Variants in COL4A2 observed in about 807,000 individuals in gnomAD.
COL4A2 encodes collagen type IV alpha 2 chain.
Under a neutral mutation model 200.2 loss-of-function variants are expected in COL4A2, and 99 were observed. The ratio of observed to expected loss-of-function variants is 0.49; its 90% CI spans 0.42 to 0.58. The LOEUF (loss-of-function observed/expected upper bound fraction) is 0.58, where lower values mean the gene tolerates loss of function less well. Ranked by LOEUF, COL4A2 falls within the 20% of genes least tolerant of loss-of-function variation. The pLI is 0.00. For synonymous variants in COL4A2, 897 were observed against 900.6 expected (o/e 1.00, Z 0.07); for missense variants, 1,950 against 2,314.1 (o/e 0.84, Z 3.23).
At position 110,492,125 on chromosome 13, in the gene COL4A2, A is replaced by G. The variant is rs2139537253; in HGVS notation, c.3510A>G (p.Gly1170=). The part of the protein sequence containing the change: ...PGSQGELGRI[G]LPGGKGDDGW... Reference sequence around the variant, plus strand: ...CGCAGGGAGAGCTGGGGCGGATTGGACTGCCTGGTGGCAAAGGAGATGATG... The same window carrying G: ...CGCAGGGAGAGCTGGGGCGGATTGGGCTGCCTGGTGGCAAAGGAGATGATG... The change falls in exon 38 of 48, where the codon GGA becomes GGG. Residue 1170 remains glycine (G), a synonymous_variant. Coordinates refer to ENST00000360467, the MANE Select transcript of COL4A2 (RefSeq NM_001846.4). 1 of 1,553,588 alleles carries G rather than the reference A, an allele frequency of 6.4e-7. No individual in the cohort carries two copies. The highest frequency in any genetic ancestry group is 8.7e-7 in the Non-Finnish European group (1 of 1,147,842).
At chr13:110,351,562 A>G (rs1369530588) in intron 3 of COL4A2, among the ~76,000 whole-genome samples, 2 of 152,348 alleles carry the variant, frequency 1.3e-5, no homozygotes, top group East Asian at 1.9e-4. Context: ...CCTAAAATGT[A>G]TAATTCACAT....
intron 3 of COL4A2, among the ~76,000 whole-genome samples, chr13:110,322,304 C>T (rs1885296371): frequency 6.6e-6 from 1 of 152,158 alleles, no homozygotes; most frequent in Admixed American, 6.5e-5. Context: ...TCACCACTCT[C>T]CCGAAGGAGG....
At chr13:110,313,851 C>T (rs12868985) in intron 3 of COL4A2, among the ~76,000 whole-genome samples, 1,247 of 19,952 alleles carry the variant, frequency 0.062, 310 homozygotes, top group East Asian at 0.4. Context: ...CGGTGCCCCG[C>T]GTCCACCCGG....
intron 4 of COL4A2, among the ~76,000 whole-genome samples, chr13:110,418,386 T>C (rs1308542092): frequency 6.6e-6 from 1 of 152,238 alleles, no homozygotes; most frequent in African/African-American, 2.4e-5. Flanking sequence ...ACTTTTTCTT[T>C]TATAGGTTGT....
At position 110,428,392 on chromosome 13, in the gene COL4A2, A is replaced by G. The variant is rs1025394110; in HGVS notation, c.361-75A>G. ...GGAACATGGCTTATGAGAATATAAG[A>G]CTGTTTTATCTCACAGTTACATGAC... On this transcript the variant is annotated intron_variant, in intron 6 of 47. Coordinates refer to ENST00000360467, the MANE Select transcript of COL4A2 (RefSeq NM_001846.4). The G allele has an allele frequency of 1.7e-5, 14 of 842,660 alleles. No homozygotes were observed. In the South Asian group the frequency reaches 2.2e-4, roughly 13 times the overall value. The allele number at this position is 842,660 out of a possible 1,614,324, so 52.2% of individuals were successfully genotyped here.
intron 4 of COL4A2, among the ~76,000 whole-genome samples, chr13:110,402,890 C>T (rs151128724): frequency 6.5e-4 from 99 of 152,350 alleles, no homozygotes; most frequent in African/African-American, 2.1e-3. Flanking sequence ...GTTGGCACCA[C>T]GTGGAGGTCA....
chr13:110,423,441 G>A (rs78440361), intron 4 of COL4A2, among the ~76,000 whole-genome samples: 2,298 of 152,278 alleles, frequency 0.015, 61 homozygotes, highest in African/African-American at 0.053. Flanking sequence ...GCCTGTGGGT[G>A]GGTCGGGGGG....
chr13:110,324,509 T>G (rs919610732), intron 3 of COL4A2, among the ~76,000 whole-genome samples: 4 of 152,182 alleles, frequency 2.6e-5, no homozygotes, highest in African/African-American at 4.8e-5. Context: ...GAAAGCATAC[T>G]GGACATGAAG....
intron 7 of COL4A2, 98 bp downstream of exon 7, chr13:110,428,681 A>G (rs773519574): frequency 2.7e-4 from 165 of 607,276 alleles, no homozygotes; most frequent in Non-Finnish European, 4.0e-4. Flanking sequence ...CTGTGGCCAG[A>G]ACGGAAGCAT....
At chr13:110,509,147 G>C (rs1477651734) in intron 47 of COL4A2, among the ~76,000 whole-genome samples, 1 of 151,174 alleles carries the variant, frequency 6.6e-6, no homozygotes, top group East Asian at 1.9e-4. Flanking sequence ...GTCTCACTGA[G>C]GACAGTGGGT....
intron 3 of COL4A2, among the ~76,000 whole-genome samples, chr13:110,312,028 G>C (rs187140326): frequency 6.6e-6 from 1 of 152,234 alleles, no homozygotes; most frequent in Non-Finnish European, 1.5e-5. Context: ...CATGCCGCAC[G>C]AGGCCCAGAG....
At chr13:110,498,594 C>A (rs1197459351) in intron 40 of COL4A2, among the ~76,000 whole-genome samples, 1 of 152,216 alleles carries the variant, frequency 6.6e-6, no homozygotes, top group Non-Finnish European at 1.5e-5. Context: ...TTAAGATTTC[C>A]ATCCCCAAGG....
At chr13:110,317,671 CA>C (rs1379597565) in intron 3 of COL4A2, among the ~76,000 whole-genome samples, 2 of 152,154 alleles carry the variant, frequency 1.3e-5, no homozygotes, top group Non-Finnish European at 2.9e-5. Context: ...CCTGCAGAAC[CA>C]AGAGTCCTGC....
intron 3 of COL4A2, among the ~76,000 whole-genome samples, chr13:110,326,457 G>T (rs1305160870): frequency 6.6e-6 from 1 of 152,118 alleles, no homozygotes; most frequent in East Asian, 1.9e-4. Flanking sequence ...CTGAGTCACG[G>T]CGTCTTGGCA....
chr13:110,389,943 G>T (rs1379586264), intron 4 of COL4A2, among the ~76,000 whole-genome samples: 1 of 151,788 alleles, frequency 6.6e-6, no homozygotes, highest in African/African-American at 2.4e-5. Context: ...AAAAATATCA[G>T]TGTTTCCTAA....
chr13:110,370,373 C>T (rs1247701861), intron 4 of COL4A2, among the ~76,000 whole-genome samples: 1 of 152,120 alleles, frequency 6.6e-6, no homozygotes, highest in East Asian at 1.9e-4. Flanking sequence ...AAGCAATTCT[C>T]CTGCCTCAGC....
chr13:110,406,488 G>T (rs1430409885), intron 4 of COL4A2, among the ~76,000 whole-genome samples: 3 of 152,220 alleles, frequency 2.0e-5, no homozygotes, highest in African/African-American at 7.2e-5. Context: ...TCTCACTCTT[G>T]CATGACTGGC....
intron 4 of COL4A2, among the ~76,000 whole-genome samples, chr13:110,373,653 T>C (rs1174571345): frequency 6.6e-6 from 1 of 152,208 alleles, no homozygotes; most frequent in Non-Finnish European, 1.5e-5. Flanking sequence ...CATGCTTGGT[T>C]GTGCACATGA....
At position 110,501,645 on chromosome 13, in the gene COL4A2, A is replaced by G. The variant is rs371277392; in HGVS notation, c.3761-23A>G. On this transcript the variant is annotated intron_variant, in intron 40 of 47. Transcript: ENST00000360467. ...AAGTTGGGTGCTAACGCTGAAAATA[A>G]TTTCTTCTGTTTTCATCCTAAGGGG... 1.9e-5 allele frequency: 30 copies of G among 1,590,024 alleles called. No individual in the cohort carries two copies. The African/African-American group carries it at 3.3e-4, about 18-fold the overall frequency.
Sources: gnomAD v4.1 joint callset for allele counts (sites outside exome capture counted in the v4.1 genomes callset) on GRCh38, gnomAD v4.1.1 for gene constraint, MANE v1.5 for transcripts, NCBI Gene and HGNC (gene_info 2026-07-23, HGNC 2026-07-21) for gene names.